Variants in FAM124A observed in about 807,000 individuals in gnomAD.
FAM124A encodes family with sequence similarity 124 member A.
In FAM124A, 23 loss-of-function variants were observed where a neutral mutation model predicts 24.5. That is an observed-to-expected ratio of 0.94 (90% CI 0.68 to 1.33). The LOEUF (loss-of-function observed/expected upper bound fraction) is 1.33, where lower values mean the gene tolerates loss of function less well. FAM124A is among the 40% of genes most tolerant of loss of function. FAM124A has a pLI of 0.00. For missense variants in FAM124A, 623 were observed against 722.8 expected (o/e 0.86, Z 1.58); for synonymous variants, 287 against 314.7 (o/e 0.91, Z 0.93).
intron 3 of FAM124A, among the ~76,000 whole-genome samples, chr13:51,268,443 A>G (rs1026937002): frequency 6.6e-6 from 1 of 152,360 alleles, no homozygotes; most frequent in South Asian, 2.1e-4. Context: ...TTTTCACTAG[A>G]GGAAATGGAT....
intron 2 of FAM124A, among the ~76,000 whole-genome samples, chr13:51,242,555 A>G (rs1009018356): frequency 6.6e-6 from 1 of 152,160 alleles, no homozygotes; most frequent in Non-Finnish European, 1.5e-5. Context: ...AATCTCTGTC[A>G]AGCTGTATCA....
intron 3 of FAM124A, among the ~76,000 whole-genome samples, chr13:51,260,819 G>A (rs1954728137): frequency 1.3e-5 from 2 of 152,108 alleles, no homozygotes; most frequent in African/African-American, 2.4e-5. Flanking sequence ...CCTCCGGAGG[G>A]TCTGGTCCAG....
chr13:51,281,369 C>T lies in FAM124A; in HGVS notation c.*113C>T, dbSNP rs1954938322. On this transcript the variant is annotated 3_prime_UTR_variant, in exon 4 of 4. Coordinates refer to ENST00000322475, the MANE Select transcript of FAM124A (RefSeq NM_001242312.2). Reference sequence around the variant, plus strand: ...TTCTTCATGATCCATTTCCCAGGAGCCCGTAGCACATTTGCCTACCACCCA... The same window carrying T: ...TTCTTCATGATCCATTTCCCAGGAGTCCGTAGCACATTTGCCTACCACCCA... 8.1e-6 allele frequency: 9 copies of T among 1,116,398 alleles called. No homozygotes were observed. The highest frequency in any genetic ancestry group is 1.6e-5 in the African/African-American group (1 of 63,854). The allele number at this position is 1,116,398 out of a possible 1,614,324, so 69.2% of individuals were successfully genotyped here.
chr13:51,250,884 AG>A, intron 2 of FAM124A, among the ~76,000 whole-genome samples: 1 of 152,240 alleles, frequency 6.6e-6, no homozygotes, highest in East Asian at 1.9e-4. Context: ...AGTAAGCCCC[AG>A]GGGGCAAGCA....
intron 2 of FAM124A, among the ~76,000 whole-genome samples, chr13:51,246,701 AC>A (rs575820284): frequency 6.6e-6 from 1 of 151,384 alleles, no homozygotes; most frequent in Non-Finnish European, 1.5e-5. Context: ...CTTTCAGCTC[AC>A]CCCCCTGCTC....
chr13:51,227,558 A>T (rs890089293), intron 1 of FAM124A: 3 of 152,206 alleles, frequency 2.0e-5, no homozygotes, highest in African/African-American at 4.8e-5. Context: ...GTTAGCAAAA[A>T]CTGGCAAGTC....
At chr13:51,262,940 C>G in intron 3 of FAM124A, among the ~76,000 whole-genome samples, 1 of 152,270 alleles carries the variant, frequency 6.6e-6, no homozygotes. Context: ...CGACTGGCCT[C>G]AGACATCTGC....
At chr13:51,252,227 G>A in intron 3 of FAM124A, 26 bp downstream of exon 3, 1 of 1,601,370 alleles carries the variant, frequency 6.2e-7, no homozygotes, top group Non-Finnish European at 8.5e-7. Flanking sequence ...CTGTCTGTCT[G>A]TTTAGGGGAC....
chr13:51,278,292 C>T (rs1954903988), intron 3 of FAM124A, among the ~76,000 whole-genome samples: 1 of 152,222 alleles, frequency 6.6e-6, no homozygotes, highest in Non-Finnish European at 1.5e-5. Flanking sequence ...TCTAAAGTAA[C>T]TCCCTCCCAG....
intron 2 of FAM124A, among the ~76,000 whole-genome samples, chr13:51,250,904 T>C (rs894011242): frequency 1.3e-5 from 2 of 152,242 alleles, no homozygotes; most frequent in African/African-American, 2.4e-5. Context: ...CACAGGTCTC[T>C]CTTGTCCTCC....
intron 2 of FAM124A, among the ~76,000 whole-genome samples, chr13:51,239,903 G>A (rs1428313638): frequency 6.6e-6 from 1 of 152,184 alleles, no homozygotes; most frequent in Non-Finnish European, 1.5e-5. Flanking sequence ...TATAAACGGG[G>A]AGACTTTCAG....
rs772443360 is a variant in FAM124A, at chr13:51,251,897, A to T, written c.530A>T (p.Tyr177Phe). The change falls in exon 3 of 4, where the codon TAC becomes TTC. Residue 177 changes from tyrosine (Y) to phenylalanine (F), a missense_variant. Tyr to Phe is a conservative substitution (Grantham distance 22). Coordinates refer to ENST00000322475, the MANE Select transcript of FAM124A (RefSeq NM_001242312.2). This position sits in a 1 kb window ranked among gnomAD's most constrained non-coding sequence, Gnocchi z 5.3. Reference protein sequence around the residue: ...YGKEIVRFTVYCRYDNYADSL... With the variant: ...YGKEIVRFTVFCRYDNYADSL... ...AAGGAAATCGTGCGCTTCACCGTCTACTGTCGCTACGACAACTATGCTGAC... is the reference window on the plus strand; with the variant it reads ...AAGGAAATCGTGCGCTTCACCGTCTTCTGTCGCTACGACAACTATGCTGAC... 2.5e-6 allele frequency: 4 copies of T among 1,614,094 alleles called. No individual in the cohort carries two copies. Among genetic ancestry groups the T allele is most frequent in the African/African-American group, 1.3e-5 (1 of 75,070 alleles).
Position 51,280,836 on chromosome 13 carries a change from G to A in FAM124A, c.1221G>A (p.Glu407=). The stretch of plus-strand genomic sequence containing the variant: ...ACCTCCTCTCCATCGATGACCTAGA[G>A]GGGGCCCAGGAGACAGACGTGGACA... ...HGHLLSIDDL[E]GAQETDVDTG... Residue 407 remains glutamate, a synonymous_variant, in exon 4 of 4, where the codon GAG becomes GAA. Coordinates refer to ENST00000322475, the MANE Select transcript of FAM124A (RefSeq NM_001242312.2). The A allele has an allele frequency of 6.2e-7, 1 of 1,614,120 alleles. No homozygotes were observed. The highest frequency in any genetic ancestry group is 8.5e-7 in the Non-Finnish European group (1 of 1,180,030).
At position 51,282,407 on chromosome 13, in the gene FAM124A, G is replaced by A. The variant is rs1340265578; in HGVS notation, c.*1151G>A. 1 of 152,180 alleles carries A rather than the reference G, an allele frequency of 6.6e-6. No homozygotes were observed. The highest frequency in any genetic ancestry group is 1.9e-4 in the East Asian group (1 of 5,198). The allele number at this position is 152,180 out of a possible 1,614,324, so 9.4% of individuals were successfully genotyped here. On this transcript the variant is annotated 3_prime_UTR_variant, in exon 4 of 4. Transcript: ENST00000322475. ...TTAACGCTGGAGCCCAGCAACCTTG[G>A]CTTTTCCTGCCTGTTATCTGCTACT...
chr13:51,236,418 G>A (rs557523746), intron 2 of FAM124A, among the ~76,000 whole-genome samples: 26 of 152,280 alleles, frequency 1.7e-4, no homozygotes, highest in South Asian at 1.7e-3. Context: ...TTTCTTACAA[G>A]TTCAGGATAC....
chr13:51,250,770 T>C (rs1954611761), intron 2 of FAM124A, among the ~76,000 whole-genome samples: 1 of 152,186 alleles, frequency 6.6e-6, no homozygotes, highest in African/African-American at 2.4e-5. Flanking sequence ...CTGGGGGTCA[T>C]CCTTCCCTGT....
At chr13:51,276,840 T>C (rs1337766352) in intron 3 of FAM124A, among the ~76,000 whole-genome samples, 1 of 152,170 alleles carries the variant, frequency 6.6e-6, no homozygotes, top group East Asian at 1.9e-4. Context: ...GTCACACTGC[T>C]CATGTTTCTG....
In FAM124A at chr13:51,281,968, A is replaced by G. The variant is rs894152958; in HGVS notation, c.*712A>G. Reference sequence around the variant, plus strand: ...TGTGAGTTCCAGAAAGTAGATTTGCATACACCTTTTCAACAGCACATTTCA... The same window carrying G: ...TGTGAGTTCCAGAAAGTAGATTTGCGTACACCTTTTCAACAGCACATTTCA... On this transcript the variant is annotated 3_prime_UTR_variant, in exon 4 of 4. Transcript: ENST00000322475. 2 of 152,216 alleles carry G rather than the reference A, an allele frequency of 1.3e-5. No homozygotes were observed. Among genetic ancestry groups the G allele is most frequent in the Non-Finnish European group, 1.5e-5 (1 of 68,044 alleles). 9.4% of individuals were successfully genotyped at this position (152,216 alleles called of 1,614,324 possible).
intron 3 of FAM124A, among the ~76,000 whole-genome samples, chr13:51,273,551 G>C (rs1954858711): frequency 6.6e-6 from 1 of 152,088 alleles, no homozygotes; most frequent in Non-Finnish European, 1.5e-5. Context: ...GGGACTACAG[G>C]CGTGTAACAT....
Sources: gnomAD v4.1 joint callset for allele counts (sites outside exome capture counted in the v4.1 genomes callset) on GRCh38, gnomAD v4.1.1 for gene constraint, Gnocchi (gnomAD v3.1) non-coding constraint, MANE v1.5 for transcripts, NCBI Gene and HGNC (gene_info 2026-07-23, HGNC 2026-07-21) for gene names.